Variants in ANAPC10 observed in about 807,000 individuals in gnomAD.
ANAPC10 encodes anaphase-promoting complex subunit 10.
A neutral mutation model predicts 22.0 loss-of-function variants in ANAPC10; 12 were observed. The observed-to-expected ratio is 0.55, with a 90% CI of 0.35 to 0.88. ANAPC10 has a LOEUF of 0.88. ANAPC10 is among the 40% of genes least tolerant of loss of function. The probability of loss-of-function intolerance (pLI) is 0.01; values close to 1 mark genes in which losing one functional copy is unlikely to be tolerated. For synonymous variants in ANAPC10, 65 were observed against 69.5 expected, an observed-to-expected ratio of 0.94 and a Z score of 0.32; for missense variants, 188 against 220.9, an observed-to-expected ratio of 0.85 and a Z score of 0.94.
At chr4:145,013,738 G>A (rs1213317147) in intron 4 of ANAPC10, among the ~76,000 whole-genome samples, 1 of 152,076 alleles carries the variant, frequency 6.6e-6, no homozygotes, top group African/African-American at 2.4e-5. Flanking sequence ...GCAGGACCCA[G>A]GAGACAGCCC....
intron 3 of ANAPC10, among the ~76,000 whole-genome samples, chr4:145,071,006 G>A (rs1560908852): frequency 6.6e-6 from 1 of 152,152 alleles, no homozygotes; most frequent in African/African-American, 2.4e-5. Context: ...GAAATTGGGT[G>A]GTTATTATTT....
chr4:145,031,513 C>A (rs1737575958), intron 4 of ANAPC10, among the ~76,000 whole-genome samples: 1 of 152,178 alleles, frequency 6.6e-6, no homozygotes, highest in Non-Finnish European at 1.5e-5. Context: ...CTGAAGGCAA[C>A]ACATTTCTCA....
rs1736706271 is a variant in ANAPC10, at chr4:145,026,699, G to C, written c.328-31096C>G. On this transcript the variant is annotated intron_variant, in intron 4 of 4. Coordinates refer to ENST00000507656, the MANE Select transcript of ANAPC10 (RefSeq NM_001256706.2). ...AACAAGACAAAATAAGACAGAAATTGAAAGCAGCAAGCAAACAAAGACAAA... is the reference window on the plus strand; with the variant it reads ...AACAAGACAAAATAAGACAGAAATTCAAAGCAGCAAGCAAACAAAGACAAA... Among the ~76,000 whole-genome samples, 2 of 150,654 alleles carry C rather than the reference G, an allele frequency of 1.3e-5. 1 individual carries two copies. Among genetic ancestry groups the C allele is most frequent in the South Asian group, 4.2e-4 (2 of 4,770 alleles).
chr4:145,006,755 T>G (rs754369024), intron 4 of ANAPC10, among the ~76,000 whole-genome samples: 5 of 152,130 alleles, frequency 3.3e-5, no homozygotes, highest in Non-Finnish European at 5.9e-5. Flanking sequence ...TTCTTAGCCT[T>G]TTTTCTGTCA....
At chr4:145,053,346 T>G (rs1473261689) in intron 4 of ANAPC10, among the ~76,000 whole-genome samples, 1 of 152,224 alleles carries the variant, frequency 6.6e-6, no homozygotes, top group South Asian at 2.1e-4. Context: ...GCCTCATACT[T>G]ATGGTACCAC....
chr4:145,057,968 T>C (rs1742314052), intron 4 of ANAPC10, among the ~76,000 whole-genome samples: 1 of 152,196 alleles, frequency 6.6e-6, no homozygotes, highest in South Asian at 2.1e-4. Context: ...TAATATTATA[T>C]CTACCTGGTC....
At chr4:145,081,811 CAT>C in intron 2 of ANAPC10, 61 bp from the exon 3 acceptor site, 1 of 1,136,756 alleles carries the variant, frequency 8.8e-7, no homozygotes, top group Non-Finnish European at 1.3e-6. Flanking sequence ...ACATGCAAAA[CAT>C]AAAATTAACA....
intron 3 of ANAPC10, among the ~76,000 whole-genome samples, chr4:145,066,403 C>T (rs1195403447): frequency 6.6e-6 from 1 of 151,938 alleles, no homozygotes; most frequent in African/African-American, 2.4e-5. Context: ...GACCTTTTTC[C>T]TTGATGAGCC....
chr4:145,096,091 T>C lies in ANAPC10; in HGVS notation c.9A>G (p.Thr3=). The C allele has an allele frequency of 1.2e-6, 2 of 1,613,926 alleles. No homozygotes were observed. Among genetic ancestry groups the C allele is most frequent in the Non-Finnish European group, 1.7e-6 (2 of 1,179,974 alleles). The change falls in exon 2 of 5, where the codon ACA becomes ACG. Residue 3 remains threonine (T), a synonymous_variant. Coordinates refer to ENST00000507656, the MANE Select transcript of ANAPC10 (RefSeq NM_001256706.2). ...CAGCACCAGGAGGTGTCTTGTTTGGTGTAGTCATTTTTAAAATATTCTATG... is the reference window on the plus strand; with the variant it reads ...CAGCACCAGGAGGTGTCTTGTTTGGCGTAGTCATTTTTAAAATATTCTATG... MT[T]PNKTPPGADP...
chr4:145,006,928 T>C (rs758722569), intron 4 of ANAPC10, among the ~76,000 whole-genome samples: 28 of 152,088 alleles, frequency 1.8e-4, no homozygotes, highest in Non-Finnish European at 3.8e-4. Context: ...GTCCTAAAAT[T>C]AGTCCCACAA....
chr4:145,049,009 G>C (rs1273740950), intron 4 of ANAPC10, among the ~76,000 whole-genome samples: 1 of 152,178 alleles, frequency 6.6e-6, no homozygotes, highest in Admixed American at 6.5e-5. Flanking sequence ...AATAAAGTGA[G>C]TCAGTCATAC....
chr4:145,057,090 C>T (rs925976926), intron 4 of ANAPC10, among the ~76,000 whole-genome samples: 6 of 152,122 alleles, frequency 3.9e-5, no homozygotes, highest in Admixed American at 6.5e-5. Context: ...ATTAGCAGTA[C>T]AGAACCTTCC....
intron 4 of ANAPC10, among the ~76,000 whole-genome samples, chr4:145,063,479 T>C (rs916141958): frequency 3.4e-5 from 5 of 146,540 alleles, no homozygotes; most frequent in African/African-American, 1.3e-4. Context: ...AAACATAAAT[T>C]TAGAGACACG....
At chr4:145,047,301 A>G (rs1217070366) in intron 4 of ANAPC10, among the ~76,000 whole-genome samples, 3 of 152,100 alleles carry the variant, frequency 2.0e-5, no homozygotes, top group Non-Finnish European at 4.4e-5. Flanking sequence ...CTCTGAAAAC[A>G]ATATTTAAAA....
intron 3 of ANAPC10, among the ~76,000 whole-genome samples, chr4:145,074,925 C>T (rs1476300946): frequency 1.3e-5 from 2 of 152,136 alleles, no homozygotes; most frequent in Non-Finnish European, 2.9e-5. Flanking sequence ...AAGTATAAAT[C>T]CTTCAAATTA....
chr4:145,064,094 C>A (rs985005414), intron 4 of ANAPC10: 1 of 151,888 alleles, frequency 6.6e-6, no homozygotes, highest in Non-Finnish European at 1.5e-5. Context: ...TCAAAACTCA[C>A]CAAGTAATAT....
intron 3 of ANAPC10, among the ~76,000 whole-genome samples, chr4:145,075,898 C>T (rs1745127490): frequency 6.6e-6 from 1 of 152,180 alleles, no homozygotes; most frequent in Non-Finnish European, 1.5e-5. Context: ...CTCTAGGTGG[C>T]TTTGGCCTTT....
At chr4:145,074,391 T>G (rs1207962415) in intron 3 of ANAPC10, among the ~76,000 whole-genome samples, 1 of 152,120 alleles carries the variant, frequency 6.6e-6, no homozygotes, top group Non-Finnish European at 1.5e-5. Flanking sequence ...CAAATTTTTA[T>G]GAAGATCATT....
chr4:145,096,725 T>G (rs1748586252), intron 1 of ANAPC10, among the ~76,000 whole-genome samples: 1 of 151,638 alleles, frequency 6.6e-6, no homozygotes, highest in African/African-American at 2.4e-5. Flanking sequence ...CTTAATTCCT[T>G]TTTTTTTAGA....
Sources: allele counts gnomAD v4.1 joint callset (sites outside exome capture counted in the v4.1 genomes callset), GRCh38; gene constraint gnomAD v4.1.1; transcripts MANE v1.5; gene names NCBI Gene and HGNC (gene_info 2026-07-23, HGNC 2026-07-21).